PTK2B: variants seen among roughly 807,000 people sequenced by gnomAD.
PTK2B encodes the protein protein-tyrosine kinase 2-beta.
Under a neutral mutation model 142.9 loss-of-function variants are expected in PTK2B, and 71 were observed. That is an observed-to-expected ratio of 0.50 (90% CI 0.41 to 0.61). PTK2B has a LOEUF of 0.61. Among genes scored for constraint, PTK2B ranks in the 20% least tolerant of loss-of-function variants. The pLI, the probability that PTK2B is intolerant of heterozygous loss-of-function variation, is 0.00. For synonymous variants in PTK2B, 519 were observed against 503.4 expected (o/e 1.03, Z -0.42); for missense variants, 1,105 against 1,320.4 (o/e 0.84, Z 2.53).
chr8:27,442,223 T>C (rs3736523), intron 21 of PTK2B, among the ~76,000 whole-genome samples: 129,464 of 152,180 alleles, frequency 0.85, 55,462 homozygotes, highest in Middle Eastern at 0.94. Context: ...TAATAAAATA[T>C]ATACACACTT....
rs1554492407 is a variant in PTK2B, at chr8:27,382,556, G to GC, written c.-37-14992_-37-14991insC. On this transcript the variant is annotated intron_variant, in intron 1 of 30. Coordinates refer to ENST00000346049, the MANE Select transcript of PTK2B (RefSeq NM_173176.3). ...GGCAACATAGTGAGATGCTGTCTCT[G>GC]TTTTTTTTTTTAATCCCATGTGCCT... 8.9e-5 allele frequency among the ~76,000 whole-genome samples: 13 copies of GC among 146,676 alleles called. 1 individual carries two copies. Among genetic ancestry groups the GC allele is most frequent in the Admixed American group, 6.1e-4 (9 of 14,728 alleles).
At chr8:27,449,896 T>TTTATC (rs1811697943) in intron 24 of PTK2B, among the ~76,000 whole-genome samples, 1 of 152,312 alleles carries the variant, frequency 6.6e-6, no homozygotes, top group Non-Finnish European at 1.5e-5. Flanking sequence ...AGAGGAAGCA[T>TTTATC]TTATCTTCTC....
chr8:27,432,403 G>A, intron 10 of PTK2B, 42 bp downstream of exon 10: 1 of 1,577,960 alleles, frequency 6.3e-7, no homozygotes, highest in Non-Finnish European at 8.7e-7. Flanking sequence ...GCTCTGCAGG[G>A]GGTATAATGG....
chr8:27,458,557 G>A lies in PTK2B; in HGVS notation c.*48G>A, dbSNP rs781241195. On this transcript the variant is annotated 3_prime_UTR_variant, in exon 31 of 31. Coordinates refer to ENST00000346049, the MANE Select transcript of PTK2B (RefSeq NM_173176.3). ...TGCGTCTTCCGCCCCTGCCTGCCAT[G>A]TACCTCCCCTGCCTTGCTGTTGGTC... The A allele has an allele frequency of 6.5e-7, 1 of 1,529,028 alleles. No homozygotes were observed. Among genetic ancestry groups the A allele is most frequent in the East Asian group, 2.5e-5 (1 of 40,794 alleles). The allele number at this position is 1,529,028 out of a possible 1,614,324, so 94.7% of individuals were successfully genotyped here. A position where few individuals can be genotyped will look rare whatever the true frequency, so the allele number is the denominator to read the frequency against.
intron 1 of PTK2B, among the ~76,000 whole-genome samples, chr8:27,350,651 T>C (rs1305520327): frequency 6.6e-6 from 1 of 152,012 alleles, no homozygotes; most frequent in African/African-American, 2.4e-5. Context: ...AAGTGCGAAC[T>C]GTTAACCCCA....
At chr8:27,337,739 G>T (rs560188264) in intron 1 of PTK2B, among the ~76,000 whole-genome samples, 15 of 152,262 alleles carry the variant, frequency 9.9e-5, no homozygotes, top group African/African-American at 3.6e-4. Context: ...TTGTTGTGTG[G>T]ATATGCCATA....
chr8:27,354,465 A>G (rs964368465), intron 1 of PTK2B, among the ~76,000 whole-genome samples: 1 of 152,164 alleles, frequency 6.6e-6, no homozygotes, highest in Non-Finnish European at 1.5e-5. Flanking sequence ...AATTCTCCCA[A>G]GCAGGGAAAG....
At chr8:27,401,636 A>C (rs1220332164) in intron 2 of PTK2B, among the ~76,000 whole-genome samples, 2 of 152,238 alleles carry the variant, frequency 1.3e-5, no homozygotes, top group East Asian at 3.8e-4. Flanking sequence ...GAATTGCTAA[A>C]GTTTGGCTAT....
At chr8:27,314,021 T>C (rs1416209515) in intron 3 of PTK2B, among the ~76,000 whole-genome samples, 3 of 152,166 alleles carry the variant, frequency 2.0e-5, no homozygotes, top group Admixed American at 6.5e-5. Flanking sequence ...GGTAGAGTCC[T>C]CTCCTGCCCT....
intron 1 of PTK2B, among the ~76,000 whole-genome samples, chr8:27,354,989 G>A (rs1805314582): frequency 6.6e-6 from 1 of 151,140 alleles, no homozygotes; most frequent in Non-Finnish European, 1.5e-5. Flanking sequence ...TGTTCTTACA[G>A]TAAACGACTC....
At chr8:27,411,632 C>G (rs1262480287) in intron 2 of PTK2B, among the ~76,000 whole-genome samples, 1 of 152,226 alleles carries the variant, frequency 6.6e-6, no homozygotes, top group Non-Finnish European at 1.5e-5. Flanking sequence ...ATTGGGTTCT[C>G]ACCCTCGTTT....
chr8:27,384,404 T>A (rs763187924), intron 1 of PTK2B, among the ~76,000 whole-genome samples: 4 of 152,246 alleles, frequency 2.6e-5, no homozygotes, highest in Non-Finnish European at 4.4e-5. Context: ...GTTTATCAAC[T>A]CTAAACAATT....
At chr8:27,311,205 G>T, upstream of PTK2B, 1 of 1,590,188 alleles carries the variant, frequency 6.3e-7, no homozygotes, top group Non-Finnish European at 8.6e-7. Context: ...GAGCGGGAAG[G>T]CCCGGGGGAC....
At chr8:27,350,601 C>G (rs143848446) in intron 1 of PTK2B, among the ~76,000 whole-genome samples, 1 of 152,036 alleles carries the variant, frequency 6.6e-6, no homozygotes, top group Non-Finnish European at 1.5e-5. Context: ...TGGGGGAACT[C>G]CTGCTTCGTA....
chr8:27,311,259 C>A, upstream of PTK2B: 6 of 1,478,996 alleles, frequency 4.1e-6, no homozygotes, highest in Middle Eastern at 2.3e-4. Context: ...GGCTCGGGCG[C>A]CCGGAACTTT....
At chr8:27,400,447 T>TAAAA (rs61165579) in intron 2 of PTK2B, among the ~76,000 whole-genome samples, 1 of 136,776 alleles carries the variant, frequency 7.3e-6, no homozygotes, top group Non-Finnish European at 1.6e-5. Flanking sequence ...AGGATTGAAT[T>TAAAA]AAAAAAAAAA....
intron 22 of PTK2B, 50 bp downstream of exon 22, chr8:27,443,033 G>A (rs1174663240): frequency 2.8e-6 from 4 of 1,438,302 alleles, no homozygotes; most frequent in South Asian, 1.2e-5. Context: ...GCAAAGCCAG[G>A]TCCCTGTCTG....
intron 27 of PTK2B, 118 bp from the exon 28 acceptor site, chr8:27,452,996 A>T: frequency 8.1e-7 from 1 of 1,241,766 alleles, no homozygotes; most frequent in Non-Finnish European, 1.2e-6. Flanking sequence ...ATTCAGAGTT[A>T]ATTTCCCTGA....
exon 1 of PTK2B, chr8:27,311,599 G>T (rs991459421): frequency 3.3e-6 from 1 of 306,042 alleles, no homozygotes; most frequent in Non-Finnish European, 6.0e-6. Context: ...CTGCAAATGG[G>T]AAAAGGAGCC....
Sources: gnomAD v4.1 joint callset for allele counts (sites outside exome capture counted in the v4.1 genomes callset) on GRCh38, gnomAD v4.1.1 for gene constraint, MANE v1.5 for transcripts, NCBI Gene and HGNC (gene_info 2026-07-23, HGNC 2026-07-21) for gene names.